MAPRE1: variants seen among roughly 807,000 people sequenced by gnomAD.
MAPRE1 encodes microtubule-associated protein RP/EB family member 1.
MAPRE1 carries 5 observed loss-of-function variants against 32.1 expected under a neutral mutation model. That is an observed-to-expected ratio of 0.16 (90% CI 0.08 to 0.33). The LOEUF is 0.33. MAPRE1 is among the 10% of genes least tolerant of loss of function. The probability of loss-of-function intolerance (pLI) is 1.00; values close to 1 mark genes in which losing one functional copy is unlikely to be tolerated. For synonymous variants in MAPRE1, 122 were observed against 118.9 expected (o/e 1.03, Z -0.17); for missense variants, 209 against 327.2 (o/e 0.64, Z 2.79).
chr20:32,835,422 C>G (rs1004725556), intron 3 of MAPRE1, among the ~76,000 whole-genome samples: 1 of 125,712 alleles, frequency 8.0e-6, no homozygotes, highest in Admixed American at 9.4e-5. Flanking sequence ...GTCTAAATTC[C>G]TGGACTCAAG....
chr20:32,840,775 A>G (rs1568882065), intron 5 of MAPRE1, among the ~76,000 whole-genome samples: 1 of 152,228 alleles, frequency 6.6e-6, no homozygotes, highest in Non-Finnish European at 1.5e-5. Flanking sequence ...AGAGATCAGG[A>G]CAGTGAGAAC....
chr20:32,826,519 C>CAAGCAATGGCAGTAATTTAAGA (rs1982855106), intron 2 of MAPRE1, among the ~76,000 whole-genome samples: 1 of 46,558 alleles, frequency 2.1e-5, no homozygotes, highest in Non-Finnish European at 3.6e-5. Context: ...CACGCCCGGC[C>CAAGCAATGGCAGTAATTTAAGA]TTTTTTTTTT....
At chr20:32,847,794 G>T (rs1236114958) in intron 6 of MAPRE1, among the ~76,000 whole-genome samples, 1 of 152,148 alleles carries the variant, frequency 6.6e-6, no homozygotes, top group African/African-American at 2.4e-5. Flanking sequence ...CCTGCTCTGA[G>T]TCCATGCCAG....
intron 5 of MAPRE1, among the ~76,000 whole-genome samples, chr20:32,846,252 A>C (rs754614415): frequency 5.3e-5 from 8 of 152,202 alleles, no homozygotes; most frequent in Admixed American, 3.3e-4. Context: ...TCATGCAATC[A>C]GACCTGGACT....
intron 3 of MAPRE1, among the ~76,000 whole-genome samples, chr20:32,835,271 G>T (rs1167041133): frequency 6.6e-6 from 1 of 151,718 alleles, no homozygotes; most frequent in South Asian, 2.1e-4. Flanking sequence ...TCAGTGATTT[G>T]AATACTTGAA....
chr20:32,827,363 G>A (rs1192083003), intron 2 of MAPRE1, among the ~76,000 whole-genome samples: 4 of 151,852 alleles, frequency 2.6e-5, no homozygotes, highest in African/African-American at 9.7e-5. Flanking sequence ...AGCCAAGATC[G>A]CACCACTGCA....
intron 2 of MAPRE1, among the ~76,000 whole-genome samples, chr20:32,829,744 A>G (rs992953809): frequency 2.0e-5 from 3 of 152,224 alleles, no homozygotes; most frequent in Non-Finnish European, 4.4e-5. Flanking sequence ...TTTTGTCAGC[A>G]GTGGGCTCTC....
At chr20:32,829,649 A>T (rs1395728726) in intron 2 of MAPRE1, among the ~76,000 whole-genome samples, 2 of 152,194 alleles carry the variant, frequency 1.3e-5, no homozygotes, top group Non-Finnish European at 2.9e-5. Flanking sequence ...ACACAGCTTT[A>T]CAAAGTAGGA....
rs1983315601 is a variant in MAPRE1, at chr20:32,839,972, A to G, written c.597+116A>G. 8.4e-6 allele frequency: 12 copies of G among 1,430,598 alleles called. No homozygotes were observed. In the South Asian group the frequency reaches 1.5e-4, roughly 18 times the overall value. 88.6% of individuals were successfully genotyped at this position (1,430,598 alleles called of 1,614,324 possible). ...ACCTGCCTTGTTTGCTTGCCAGAGC[A>G]TGTGACACGTGTGAGCCTCAGGTGC... is the stretch of plus-strand genomic sequence containing the variant. On this transcript the variant is annotated intron_variant, in intron 5 of 6. Transcript: ENST00000375571.
In MAPRE1 at chr20:32,848,963, CAGAG is replaced by C; in HGVS notation, c.*238_*241del. The stretch of plus-strand genomic sequence containing the variant: ...ACACCTAGTTGGTTCACCTGGAAAA[CAGAG>C]AGGCTGACCGTGGGGCTCACCATGC... On this transcript the variant is annotated 3_prime_UTR_variant, in exon 7 of 7. Coordinates refer to ENST00000375571, the MANE Select transcript of MAPRE1 (RefSeq NM_012325.3). 2.8e-6 allele frequency: 1 copy of C among 361,484 alleles called. No homozygotes were observed. Among genetic ancestry groups the C allele is most frequent in the Non-Finnish European group, 5.0e-6 (1 of 200,068 alleles). 22.4% of individuals were successfully genotyped at this position (361,484 alleles called of 1,614,324 possible).
chr20:32,825,033 T>G (rs1982802394), intron 1 of MAPRE1, among the ~76,000 whole-genome samples: 1 of 151,506 alleles, frequency 6.6e-6, no homozygotes, highest in Admixed American at 6.6e-5. Context: ...GCGCCTGTAA[T>G]CCCAGGTACT....
chr20:32,832,804 T>G (rs1983072068), intron 2 of MAPRE1, among the ~76,000 whole-genome samples: 1 of 145,388 alleles, frequency 6.9e-6, no homozygotes, highest in East Asian at 2.0e-4. Flanking sequence ...AGCCAGAGTT[T>G]CGCTTTTTTT....
intron 4 of MAPRE1, among the ~76,000 whole-genome samples, chr20:32,839,137 C>T (rs1438695967): frequency 6.6e-6 from 1 of 152,176 alleles, no homozygotes; most frequent in Non-Finnish European, 1.5e-5. Flanking sequence ...TAAAGCAATT[C>T]ATGGGAAGAG....
At chr20:32,839,919 G>C in intron 5 of MAPRE1, 63 bp downstream of exon 5, 1 of 1,602,038 alleles carries the variant, frequency 6.2e-7, no homozygotes, top group Non-Finnish European at 8.5e-7. Context: ...CGGTGGCCAG[G>C]GTGCCTTATC....
chr20:32,837,767 T>C (rs558455279), intron 4 of MAPRE1, among the ~76,000 whole-genome samples: 4 of 152,222 alleles, frequency 2.6e-5, no homozygotes, highest in Non-Finnish European at 5.9e-5. Flanking sequence ...CAATCAATTT[T>C]AGAACATTTT....
At chr20:32,841,320 A>T (rs1366873178) in intron 5 of MAPRE1, among the ~76,000 whole-genome samples, 1 of 152,200 alleles carries the variant, frequency 6.6e-6, no homozygotes, top group Non-Finnish European at 1.5e-5. Context: ...GATTTCAAAC[A>T]CAGGAAGCAG....
At chr20:32,840,877 G>A (rs1473330980) in intron 5 of MAPRE1, among the ~76,000 whole-genome samples, 2 of 152,026 alleles carry the variant, frequency 1.3e-5, no homozygotes, top group East Asian at 1.9e-4. Flanking sequence ...GTGCAGTGGC[G>A]TGATCTCAGC....
At chr20:32,843,863 T>C (rs76342233) in intron 5 of MAPRE1, among the ~76,000 whole-genome samples, 1 of 152,022 alleles carries the variant, frequency 6.6e-6, no homozygotes. Flanking sequence ...TTTTTTTTTT[T>C]TTCTTTTGGA....
At chr20:32,835,858 G>C (rs558899652) in intron 3 of MAPRE1, among the ~76,000 whole-genome samples, 9 of 151,964 alleles carry the variant, frequency 5.9e-5, no homozygotes, top group Non-Finnish European at 1.2e-4. Context: ...TACCTGCCTT[G>C]ACCTCCCAAA....
Sources: allele counts gnomAD v4.1 joint callset (sites outside exome capture counted in the v4.1 genomes callset), GRCh38; gene constraint gnomAD v4.1.1; transcripts MANE v1.5; gene names NCBI Gene and HGNC (gene_info 2026-07-23, HGNC 2026-07-21).